The following NUP98 variants were observed in gnomAD, a reference collection of about 807,000 sequenced individuals.
NUP98 encodes the protein nuclear pore complex protein Nup98-Nup96.
In NUP98, 26 loss-of-function variants were observed where a neutral mutation model predicts 191.9. The ratio of observed to expected loss-of-function variants is 0.14; its 90% CI spans 0.10 to 0.19. The LOEUF is 0.19. Ranked by LOEUF, NUP98 falls within the 10% of genes least tolerant of loss-of-function variation. NUP98 has a pLI of 1.00. For missense variants in NUP98, 1,941 were observed against 2,178.8 expected (o/e 0.89, Z 2.17); for synonymous variants, 808 against 778.4 (o/e 1.04, Z -0.63).
At chr11:3,781,951 T>G in intron 2 of NUP98, 91 bp downstream of exon 2, 1 of 731,278 alleles carries the variant, frequency 1.4e-6, no homozygotes, top group Non-Finnish European at 2.2e-6. Context: ...AAAGTAAAAA[T>G]AAAATTCCCA....
intron 10 of NUP98, among the ~76,000 whole-genome samples, chr11:3,756,949 G>A (rs1044280313): frequency 1.3e-5 from 2 of 151,728 alleles, no homozygotes; most frequent in South Asian, 2.1e-4. Context: ...TTAGCCAGAC[G>A]TGGCAGCATG....
At chr11:3,779,470 C>T (rs1460291699) in intron 2 of NUP98, among the ~76,000 whole-genome samples, 3 of 151,684 alleles carry the variant, frequency 2.0e-5, no homozygotes, top group African/African-American at 7.3e-5. Flanking sequence ...GGAGAAACCC[C>T]GTTTCTACTA....
At chr11:3,785,671 A>G (rs2082119187) in intron 1 of NUP98, among the ~76,000 whole-genome samples, 1 of 152,108 alleles carries the variant, frequency 6.6e-6, no homozygotes, top group Non-Finnish European at 1.5e-5. Context: ...AGGCAGGAGA[A>G]TCACTTGAAC....
intron 17 of NUP98, among the ~76,000 whole-genome samples, chr11:3,720,384 G>T (rs2079345226): frequency 6.6e-6 from 1 of 151,988 alleles, no homozygotes; most frequent in African/African-American, 2.4e-5. Flanking sequence ...GCACCAAACA[G>T]GTATACCTAA....
chr11:3,768,795 A>G (rs751039130), intron 7 of NUP98, 51 bp from the exon 8 acceptor site: 3 of 1,378,820 alleles, frequency 2.2e-6, no homozygotes, highest in East Asian at 2.4e-5. Flanking sequence ...AAAAAAATGT[A>G]AACACCCAAA....
intron 2 of NUP98, among the ~76,000 whole-genome samples, chr11:3,780,626 T>A (rs1377642600): frequency 6.6e-6 from 1 of 151,754 alleles, no homozygotes; most frequent in African/African-American, 2.4e-5. Context: ...GATAGAGGTT[T>A]GTTAGTCATG....
chr11:3,710,120 C>T (rs2078990168), intron 20 of NUP98, among the ~76,000 whole-genome samples: 1 of 151,958 alleles, frequency 6.6e-6, no homozygotes, highest in South Asian at 2.1e-4. Context: ...TGGGGAGAAG[C>T]ATTAAAATAT....
Position 3,699,314 on chromosome 11 carries a change from A to G in NUP98, c.3777T>C (p.Cys1259=). The G allele has an allele frequency of 4.3e-6, 7 of 1,614,244 alleles. No homozygotes were observed. The highest frequency in any genetic ancestry group is 5.9e-6 in the Non-Finnish European group (7 of 1,180,040). The change falls in exon 25 of 33, where the codon TGT becomes TGC. Residue 1259 remains cysteine, a synonymous_variant. Transcript: ENST00000324932. Reference sequence around the variant, plus strand: ...CCTTCAGGTGGCCCCATAGGGCTTCACATAGTGTCCATGTCAGGCTCCAGT... The same window carrying G: ...CCTTCAGGTGGCCCCATAGGGCTTCGCATAGTGTCCATGTCAGGCTCCAGT... ...VKHWSLTWTL[C]EALWGHLKEL...
At chr11:3,780,403 C>G (rs1176789467) in intron 2 of NUP98, among the ~76,000 whole-genome samples, 1 of 149,932 alleles carries the variant, frequency 6.7e-6, no homozygotes, top group Non-Finnish European at 1.5e-5. Flanking sequence ...TTAGCCGGGC[C>G]TGGTGGAGGG....
At chr11:3,697,457 G>A (rs181035525) in intron 25 of NUP98, among the ~76,000 whole-genome samples, 87 of 152,182 alleles carry the variant, frequency 5.7e-4, no homozygotes, top group Non-Finnish European at 1.0e-3. Context: ...AACAATCAAG[G>A]TTTGAATAAG....
At chr11:3,720,886 A>C in intron 16 of NUP98, 61 bp from the exon 17 acceptor site, 2 of 712,406 alleles carry the variant, frequency 2.8e-6, no homozygotes, top group Non-Finnish European at 4.8e-6. Context: ...CAGCAACTAA[A>C]TCATCATATA....
At chr11:3,680,325 G>C (rs1476299702) in intron 30 of NUP98, among the ~76,000 whole-genome samples, 1 of 152,106 alleles carries the variant, frequency 6.6e-6, no homozygotes, top group African/African-American at 2.4e-5. Context: ...TTCTTTGCTT[G>C]TCTATAAAGC....
intron 5 of NUP98, among the ~76,000 whole-genome samples, chr11:3,774,366 C>T (rs1055143262): frequency 3.3e-4 from 50 of 151,732 alleles, no homozygotes; most frequent in Admixed American, 1.8e-3. Context: ...GAGCCAAGAC[C>T]GTGCCACTGC....
chr11:3,706,362 CA>C (rs1331319009), intron 21 of NUP98, 82 bp downstream of exon 21: 2 of 1,309,688 alleles, frequency 1.5e-6, no homozygotes, highest in Admixed American at 3.6e-5. Context: ...TCTTAATAAC[CA>C]AGGAAGAGAC....
intron 16 of NUP98, among the ~76,000 whole-genome samples, chr11:3,722,474 T>C (rs2079440457): frequency 6.6e-6 from 1 of 151,796 alleles, no homozygotes; most frequent in South Asian, 2.1e-4. Flanking sequence ...TATATATATA[T>C]ATAATGGCAA....
intron 6 of NUP98, 114 bp from the exon 7 acceptor site, chr11:3,772,042 C>T: frequency 1.2e-6 from 1 of 846,818 alleles, no homozygotes; most frequent in South Asian, 2.0e-5. Flanking sequence ...GGAACCATAA[C>T]TAAAAAAGAG....
chr11:3,792,431 T>G (rs1014589754), intron 1 of NUP98, among the ~76,000 whole-genome samples: 2 of 151,920 alleles, frequency 1.3e-5, no homozygotes, highest in Non-Finnish European at 2.9e-5. Flanking sequence ...GTCAACATGT[T>G]GAAACCCCGT....
At chr11:3,720,975 AGTGTGT>A (rs55984201) in intron 16 of NUP98, 150 bp from the exon 17 acceptor site, 847 of 323,542 alleles carry the variant, frequency 2.6e-3, no homozygotes, top group East Asian at 0.011. Context: ...GGGGTGTGTG[AGTGTGT>A]GTGTGTGTGT....
rs541523751 is a variant in NUP98 at position 3,702,692 on chromosome 11, G to C, written c.3283C>G (p.Arg1095Gly). 1.9e-6 allele frequency: 3 copies of C among 1,614,124 alleles called. No homozygotes were observed. The Admixed American group carries it at 5.0e-5, about 27-fold the overall frequency. The change falls in exon 23 of 33, where the codon CGT becomes GGT. Residue 1095 changes from arginine to glycine, a missense_variant. Coordinates refer to ENST00000324932, the MANE Select transcript of NUP98 (RefSeq NM_016320.5). The part of the protein sequence containing the change: ...PEVPLKTVGT[R>G]RQLGLVPREK... ...CGAGGGACTAGGCCTAGTTGCCTAC[G>C]TGTACCCACTGTTTTCAACGGAACC...
Sources: gnomAD v4.1 joint callset for allele counts (sites outside exome capture counted in the v4.1 genomes callset) on GRCh38, gnomAD v4.1.1 for gene constraint, MANE v1.5 for transcripts, NCBI Gene and HGNC (gene_info 2026-07-23, HGNC 2026-07-21) for gene names.